The following EWSR1 variants were observed in gnomAD, a reference collection of about 807,000 sequenced individuals.
The protein encoded by EWSR1 is RNA-binding protein EWS.
In EWSR1, 14 loss-of-function variants were observed where a neutral mutation model predicts 92.1. The observed-to-expected ratio is 0.15, with a 90% CI of 0.10 to 0.24. The LOEUF (loss-of-function observed/expected upper bound fraction) is 0.24. Ranked by LOEUF, EWSR1 falls within the 10% of genes least tolerant of loss-of-function variation. The pLI, the probability that EWSR1 is intolerant of heterozygous loss-of-function variation, is 1.00. For missense variants in EWSR1, 637 were observed against 870.9 expected, an observed-to-expected ratio of 0.73 and a Z score of 3.38; for synonymous variants, 303 against 292.9, an observed-to-expected ratio of 1.03 and a Z score of -0.35.
chr22:29,292,457 A>G (rs200981994), intron 10 of EWSR1, 31 bp from the exon 11 acceptor site: 41 of 1,431,862 alleles, frequency 2.9e-5, no homozygotes, highest in South Asian at 1.4e-4. Context: ...GATACATGAT[A>G]ATAATTCTCC....
rs770991810 is a variant in EWSR1, at chr22:29,296,223, G to C, written c.1165-16G>C. 1 of 1,612,508 alleles carries C rather than the reference G, an allele frequency of 6.2e-7. No homozygotes were observed. The highest frequency in any genetic ancestry group is 1.7e-5 in the Admixed American group (1 of 59,802). Reference sequence around the variant, plus strand: ...GTATATTCTAGTCATGCCTAACTATGCTATTCTTTGTCTAGATGAACAAGA... The same window carrying C: ...GTATATTCTAGTCATGCCTAACTATCCTATTCTTTGTCTAGATGAACAAGA... On this transcript the variant is annotated splice_polypyrimidine_tract_variant and intron_variant, in intron 11 of 16. Coordinates refer to ENST00000397938, the MANE Select transcript of EWSR1 (RefSeq NM_005243.4).
At chr22:29,274,767 A>G (rs1452506670) in intron 4 of EWSR1, among the ~76,000 whole-genome samples, 2 of 152,242 alleles carry the variant, frequency 1.3e-5, no homozygotes, top group Non-Finnish European at 2.9e-5. Flanking sequence ...ACTAAAAAAT[A>G]AACTATTCTA....
At chr22:29,278,001 A>T in intron 4 of EWSR1, 29 bp from the exon 5 acceptor site, 1 of 1,602,252 alleles carries the variant, frequency 6.2e-7, no homozygotes, top group Non-Finnish European at 8.5e-7. Flanking sequence ...AGGGGACCTG[A>T]AATCTGATGC....
chr22:29,276,548 G>A (rs2059138864), intron 4 of EWSR1: 1 of 225,530 alleles, frequency 4.4e-6, no homozygotes, highest in Admixed American at 5.7e-5. Flanking sequence ...GACACTTTAA[G>A]GCCCTAAATC....
intron 8 of EWSR1, chr22:29,291,262 C>G: frequency 2.8e-6 from 1 of 352,662 alleles, no homozygotes; most frequent in East Asian, 4.1e-5. Flanking sequence ...TTTCACCTGA[C>G]GGGGTGGGTG....
At chr22:29,290,628 A>C (rs1413102324) in intron 8 of EWSR1, 1 of 1,467,722 alleles carries the variant, frequency 6.8e-7, no homozygotes, top group Non-Finnish European at 9.0e-7. Flanking sequence ...AATGAACCAG[A>C]GGAGGTATAA....
intron 3 of EWSR1, among the ~76,000 whole-genome samples, chr22:29,272,966 C>G (rs1031575607): frequency 1.3e-5 from 2 of 152,120 alleles, no homozygotes; most frequent in Non-Finnish European, 2.9e-5. Context: ...ATGTTGAATT[C>G]TGAAATGATC....
intron 6 of EWSR1, 92 bp from the exon 7 acceptor site, chr22:29,286,831 C>G: frequency 1.1e-6 from 1 of 885,488 alleles, no homozygotes; most frequent in Non-Finnish European, 1.8e-6. Flanking sequence ...GTCTGTGTCA[C>G]ATGGTGTGAA....
intron 1 of EWSR1, 107 bp downstream of exon 1, chr22:29,268,456 G>T (rs957030826): frequency 5.0e-6 from 8 of 1,590,788 alleles, no homozygotes; most frequent in Non-Finnish European, 6.9e-6. Context: ...TTGCCGAGAG[G>T]GGGTTGAGGC....
intron 3 of EWSR1, among the ~76,000 whole-genome samples, chr22:29,273,366 G>A (rs892599795): frequency 3.3e-5 from 5 of 152,104 alleles, no homozygotes; most frequent in East Asian, 3.8e-4. Context: ...ACTGTGCTAC[G>A]CTAAGTGCTA....
At chr22:29,288,853 G>A in intron 8 of EWSR1, 67 bp downstream of exon 8, 1 of 1,359,168 alleles carries the variant, frequency 7.4e-7, no homozygotes, top group South Asian at 1.5e-5. Flanking sequence ...GTGGAAAGAA[G>A]GGACTGAAAG....
intron 8 of EWSR1, chr22:29,289,871 A>G (rs1242123638): frequency 4.3e-6 from 1 of 231,158 alleles, no homozygotes; most frequent in Non-Finnish European, 8.6e-6. Flanking sequence ...ATTTGACAAC[A>G]GGCAAAAATT....
chr22:29,270,861 C>T (rs2058622097), intron 1 of EWSR1, among the ~76,000 whole-genome samples: 1 of 152,050 alleles, frequency 6.6e-6, no homozygotes, highest in Non-Finnish European at 1.5e-5. Flanking sequence ...ATTGAAAATG[C>T]CTTTAAGATT....
At chr22:29,298,023 T>A (rs1239488934) in intron 13 of EWSR1, 74 bp downstream of exon 13, 1 of 1,465,492 alleles carries the variant, frequency 6.8e-7, no homozygotes, top group African/African-American at 1.4e-5. Context: ...ACTTGATTAT[T>A]AGAGTGAAGA....
intron 4 of EWSR1, 73 bp from the exon 5 acceptor site, chr22:29,277,957 T>C (rs2059247604): frequency 3.0e-6 from 4 of 1,352,112 alleles, no homozygotes; most frequent in Middle Eastern, 3.8e-4. Context: ...GGTTTACAAA[T>C]TGTTCTGATA....
chr22:29,288,486 AAAGAAGATGGT>A, intron 7 of EWSR1, 109 bp from the exon 8 acceptor site: 1 of 905,334 alleles, frequency 1.1e-6, no homozygotes, highest in Non-Finnish European at 1.6e-6. Flanking sequence ...ATCGTGATGT[AAAGAAGATGGT>A]GCCTTGGTTA....
At chr22:29,282,334 G>A in intron 5 of EWSR1, 56 bp from the exon 6 acceptor site, 1 of 1,448,598 alleles carries the variant, frequency 6.9e-7, no homozygotes, top group Non-Finnish European at 9.2e-7. Flanking sequence ...TTTTGTGGTT[G>A]ACCAACCACA....
intron 4 of EWSR1, chr22:29,274,528 C>T: frequency 4.1e-6 from 2 of 482,366 alleles, no homozygotes; most frequent in South Asian, 3.3e-5. Flanking sequence ...TAGTTATTTA[C>T]CTTCCCAAAG....
rs1369382016 is a variant in EWSR1, at chr22:29,273,860, C to A, written c.222C>A (p.Pro74=). ...TAYATSYGQP[P]TGYTTPTAPQ... is the part of the protein sequence containing the mutation. ...ATGCAACTTCTTATGGACAGCCTCCCACTGGTAAGGCCTGCCTTGGAGAGA... is the reference window on the plus strand; with the variant it reads ...ATGCAACTTCTTATGGACAGCCTCCAACTGGTAAGGCCTGCCTTGGAGAGA... The change falls in exon 4 of 17, where the codon CCC becomes CCA. Residue 74 remains proline (P), a synonymous_variant. Coordinates refer to ENST00000397938, the MANE Select transcript of EWSR1 (RefSeq NM_005243.4). 1 of 1,613,822 alleles carries A rather than the reference C, an allele frequency of 6.2e-7. No homozygotes were observed. Among genetic ancestry groups the A allele is most frequent in the East Asian group, 2.2e-5 (1 of 44,886 alleles).
Sources: gnomAD v4.1 joint callset for allele counts (sites outside exome capture counted in the v4.1 genomes callset) on GRCh38, gnomAD v4.1.1 for gene constraint, MANE v1.5 for transcripts, NCBI Gene and HGNC (gene_info 2026-07-23, HGNC 2026-07-21) for gene names.